Variants in CDCA7L observed in about 807,000 individuals in gnomAD.
CDCA7L encodes the protein cell division cycle-associated 7-like protein.
CDCA7L carries 44 observed loss-of-function variants against 57.4 expected under a neutral mutation model. That is an observed-to-expected ratio of 0.77 (90% CI 0.60 to 0.98). The LOEUF is 0.98. CDCA7L is among the 50% of genes least tolerant of loss of function. CDCA7L has a pLI of 0.00. For synonymous variants in CDCA7L, 236 were observed against 202.8 expected (o/e 1.16, Z -1.39); for missense variants, 644 against 580.6 (o/e 1.11, Z -1.12).
At chr7:21,916,931 G>A in intron 1 of CDCA7L, 37 bp from the exon 2 acceptor site, 1 of 1,612,090 alleles carries the variant, frequency 6.2e-7, no homozygotes, top group Non-Finnish European at 8.5e-7. Context: ...TTAAACCAGG[G>A]GTTCTTGCTA....
rs1263743766 is a variant in CDCA7L at position 21,902,361 on chromosome 7, A to AAGATGAGAAGTATT, written c.1335-23_1335-10dup. 1.2e-6 allele frequency: 2 copies of AAGATGAGAAGTATT among 1,613,670 alleles called. No individual in the cohort carries two copies. Among genetic ancestry groups the AAGATGAGAAGTATT allele is most frequent in the Non-Finnish European group, 1.7e-6 (2 of 1,179,666 alleles). On this transcript the variant is annotated splice_polypyrimidine_tract_variant and intron_variant, in intron 9 of 9. Transcript: ENST00000406877. ...CCAGCTCCTTTTGTAAGCTGGGAAA[A>AAGATGAGAAGTATT]AGATGAGAAGTATTTGGTAAAGTAG...
chr7:21,920,477 G>A (rs545748957), intron 1 of CDCA7L, among the ~76,000 whole-genome samples: 24 of 152,342 alleles, frequency 1.6e-4, no homozygotes, highest in African/African-American at 5.8e-4. Context: ...CAAAGGAAGT[G>A]TAACATAAAT....
At chr7:21,915,015 G>A (rs1292974839) in intron 2 of CDCA7L, among the ~76,000 whole-genome samples, 1 of 152,142 alleles carries the variant, frequency 6.6e-6, no homozygotes, top group Admixed American at 6.5e-5. Context: ...TCTCCCCACC[G>A]CCTGACTGTG....
rs200466467 is a variant in CDCA7L at position 21,901,012 on chromosome 7, C to T, written c.*1310G>A. ...CCGCTGTGTTTTTGCCATAGGCGCCCGCTGGGACACCCAAGCAGGAACCAT... is the reference window on the plus strand; with the variant it reads ...CCGCTGTGTTTTTGCCATAGGCGCCTGCTGGGACACCCAAGCAGGAACCAT... On this transcript the variant is annotated 3_prime_UTR_variant, in exon 10 of 10. Transcript: ENST00000406877. 274 of 1,591,692 alleles carry T rather than the reference C, an allele frequency of 1.7e-4. No homozygotes were observed. The highest frequency in any genetic ancestry group is 1.0e-3 in the East Asian group (45 of 44,512).
chr7:21,922,777 T>C (rs968529563), intron 1 of CDCA7L, among the ~76,000 whole-genome samples: 6 of 152,138 alleles, frequency 3.9e-5, no homozygotes, highest in African/African-American at 1.4e-4. Context: ...TATCCATCGA[T>C]GGATAAATGG....
At chr7:21,939,013 G>A (rs546307314) in intron 1 of CDCA7L, among the ~76,000 whole-genome samples, 1 of 152,196 alleles carries the variant, frequency 6.6e-6, no homozygotes, top group Admixed American at 6.5e-5. Flanking sequence ...TGTCTCAAAA[G>A]AGAAATAATT....
Position 21,916,985 on chromosome 7 carries a change from C to G in CDCA7L, c.25-91G>C, listed in dbSNP as rs187878540. The G allele has an allele frequency of 6.2e-5, 89 of 1,437,860 alleles. No homozygotes were observed. In the African/African-American group the frequency reaches 1.2e-3, roughly 19 times the overall value. The allele number at this position is 1,437,860 out of a possible 1,614,324, so 89.1% of individuals were successfully genotyped here. A position where few individuals can be genotyped will look rare whatever the true frequency, so the allele number is the denominator to read the frequency against. ...CTGGAGGGGAGGAGAGATCTCATCACTTCATCCAACTGCCACGGTTGCCCA... is the reference window on the plus strand; with the variant it reads ...CTGGAGGGGAGGAGAGATCTCATCAGTTCATCCAACTGCCACGGTTGCCCA... On this transcript the variant is annotated intron_variant, in intron 1 of 9. Transcript: ENST00000406877.
chr7:21,931,624 A>C (rs1786020087), intron 1 of CDCA7L, among the ~76,000 whole-genome samples: 1 of 152,254 alleles, frequency 6.6e-6, no homozygotes, highest in South Asian at 2.1e-4. Flanking sequence ...GATGGAACAG[A>C]TCTCAAAATA....
At chr7:21,917,392 T>C (rs1039276782) in intron 1 of CDCA7L, among the ~76,000 whole-genome samples, 4 of 152,238 alleles carry the variant, frequency 2.6e-5, no homozygotes, top group African/African-American at 7.2e-5. Context: ...TTCTTTTCTA[T>C]ATTGTAAGTC....
Position 21,916,759 on chromosome 7 carries a change from T to G in CDCA7L, c.160A>C (p.Lys54Gln). Reference sequence around the variant, plus strand: ...TTGGAAGGAATCATCCATACCTGTTTCCCTGACTCTAGTGAGTCAAAACTA... The same window carrying G: ...TTGGAAGGAATCATCCATACCTGTTGCCCTGACTCTAGTGAGTCAAAACTA... Reference protein sequence around the residue: ...CDSFDSLESGKQQDVRFHSKY... With the variant: ...CDSFDSLESGQQQDVRFHSKY... Residue 54 changes from lysine (K) to glutamine (Q), a missense_variant, in exon 2 of 10, where the codon AAA becomes CAA. Transcript: ENST00000406877. 1 of 1,613,932 alleles carries G rather than the reference T, an allele frequency of 6.2e-7. No individual in the cohort carries two copies. The highest frequency in any genetic ancestry group is 8.5e-7 in the Non-Finnish European group (1 of 1,179,868).
At position 21,904,176 on chromosome 7, in the gene CDCA7L, T is replaced by C; in HGVS notation, c.1131A>G (p.Gly377=). 6.2e-7 allele frequency: 1 copy of C among 1,613,808 alleles called. No individual in the cohort carries two copies. The highest frequency in any genetic ancestry group is 8.5e-7 in the Non-Finnish European group (1 of 1,179,870). ...TCCGCAGGCATGGTCCACAGAACTG[T>C]CCTCGCACACCACAGCAACCCTGGT... ...CRNQGCCGVR[G]QFCGPCLRNR... is the part of the protein sequence containing the mutation. Residue 377 remains glycine, a synonymous_variant, in exon 8 of 10, where the codon GGA becomes GGG. Transcript: ENST00000406877.
At chr7:21,923,942 C>G (rs1250655569) in intron 1 of CDCA7L, among the ~76,000 whole-genome samples, 1 of 152,178 alleles carries the variant, frequency 6.6e-6, no homozygotes, top group African/African-American at 2.4e-5. Flanking sequence ...CCTTTGTCAG[C>G]CTGAGTCTCC....
intron 1 of CDCA7L, 96 bp downstream of exon 1, chr7:21,945,685 G>T: frequency 6.7e-7 from 1 of 1,494,164 alleles, no homozygotes; most frequent in South Asian, 1.2e-5. Context: ...CCGCAGCCAA[G>T]GGCCACGTTT....
intron 2 of CDCA7L, among the ~76,000 whole-genome samples, chr7:21,912,183 C>G (rs1366980714): frequency 6.6e-6 from 1 of 152,020 alleles, no homozygotes; most frequent in Non-Finnish European, 1.5e-5. Flanking sequence ...GATTACCCAA[C>G]CCTGGGAGGT....
chr7:21,930,765 A>C (rs1316262584), intron 1 of CDCA7L, among the ~76,000 whole-genome samples: 1 of 151,674 alleles, frequency 6.6e-6, no homozygotes, highest in Non-Finnish European at 1.5e-5. Context: ...AAGCTAGCAG[A>C]AGATAAGAAA....
At chr7:21,912,930 A>C (rs1399625225) in intron 2 of CDCA7L, among the ~76,000 whole-genome samples, 2 of 152,146 alleles carry the variant, frequency 1.3e-5, no homozygotes, top group Non-Finnish European at 2.9e-5. Context: ...AAGAGGAAAT[A>C]ACAAACTGCA....
At chr7:21,916,651 G>A in intron 2 of CDCA7L, 103 bp downstream of exon 2, 1 of 1,048,728 alleles carries the variant, frequency 9.5e-7, no homozygotes, top group Non-Finnish European at 1.4e-6. Flanking sequence ...GCTAGACAAT[G>A]AACTGATATC....
At chr7:21,922,731 T>G (rs562899504) in intron 1 of CDCA7L, among the ~76,000 whole-genome samples, 2 of 152,328 alleles carry the variant, frequency 1.3e-5, no homozygotes, top group South Asian at 2.1e-4. Flanking sequence ...CATGGCATCA[T>G]GATTCACAAG....
chr7:21,945,692 G>C (rs551857096), intron 1 of CDCA7L, 89 bp downstream of exon 1: 1 of 1,531,482 alleles, frequency 6.5e-7, no homozygotes, highest in Admixed American at 1.8e-5. Context: ...CAAGGGCCAC[G>C]TTTCCAGCCC....
Sources: allele counts gnomAD v4.1 joint callset (sites outside exome capture counted in the v4.1 genomes callset), GRCh38; gene constraint gnomAD v4.1.1; transcripts MANE v1.5; gene names NCBI Gene and HGNC (gene_info 2026-07-23, HGNC 2026-07-21).